Variants in ROBO2 observed in about 807,000 individuals in gnomAD.
ROBO2 encodes the protein roundabout guidance receptor 2.
A neutral mutation model predicts 160.8 loss-of-function variants in ROBO2; 53 were observed. The observed-to-expected ratio is 0.33, with a 90% confidence interval of 0.26 to 0.41. The LOEUF (loss-of-function observed/expected upper bound fraction) is 0.41. Ranked by LOEUF, ROBO2 falls within the 10% of genes least tolerant of loss-of-function variation. The pLI is 1.00. For synonymous variants in ROBO2, 664 were observed against 611.7 expected (o/e 1.09, Z -1.26); for missense variants, 1,577 against 1,722.4 (o/e 0.92, Z 1.49).
intron 2 of ROBO2, among the ~76,000 whole-genome samples, chr3:77,358,889 A>G (rs1242414799): frequency 1.3e-5 from 2 of 152,220 alleles, no homozygotes; most frequent in African/African-American, 2.4e-5. Context: ...AAGGTAAATT[A>G]TTATAGTAGG....
At chr3:76,608,533 C>G (rs1429575642) in intron 2 of ROBO2, among the ~76,000 whole-genome samples, 1 of 152,150 alleles carries the variant, frequency 6.6e-6, no homozygotes, top group Non-Finnish European at 1.5e-5. Flanking sequence ...TGGACAATCA[C>G]TTTGTTGATT....
At chr3:76,996,038 C>T (rs1039696050) in intron 2 of ROBO2, among the ~76,000 whole-genome samples, 5 of 152,112 alleles carry the variant, frequency 3.3e-5, no homozygotes, top group African/African-American at 9.7e-5. Context: ...TGCCTATGTC[C>T]TGAATGGTAT....
intron 2 of ROBO2, among the ~76,000 whole-genome samples, chr3:77,464,800 A>C (rs1222432302): frequency 6.6e-6 from 1 of 152,182 alleles, no homozygotes; most frequent in Non-Finnish European, 1.5e-5. Flanking sequence ...TTATCAACTG[A>C]GAGCAACTTC....
intron 5 of ROBO2, among the ~76,000 whole-genome samples, chr3:77,497,023 G>A (rs1025166322): frequency 3.3e-5 from 5 of 152,056 alleles, no homozygotes; most frequent in African/African-American, 1.2e-4. Flanking sequence ...AGTTTGGTAG[G>A]AAGCATAGCA....
At chr3:76,579,856 C>T (rs2085545516) in intron 2 of ROBO2, among the ~76,000 whole-genome samples, 1 of 151,142 alleles carries the variant, frequency 6.6e-6, no homozygotes, top group Admixed American at 6.6e-5. Context: ...GAAAATACCA[C>T]CTGCCTTAAT....
chr3:75,992,753 G>A (rs1056404152), intron 2 of ROBO2, among the ~76,000 whole-genome samples: 7 of 152,212 alleles, frequency 4.6e-5, no homozygotes, highest in African/African-American at 1.7e-4. Context: ...AATGCAGCCA[G>A]ATGATGGGCT....
chr3:76,397,166 G>A (rs1047001139), intron 2 of ROBO2, among the ~76,000 whole-genome samples: 11 of 152,076 alleles, frequency 7.2e-5, no homozygotes, highest in African/African-American at 1.2e-4. Flanking sequence ...CAGAAGTAAC[G>A]CCCCATATCT....
At chr3:77,182,965 G>A (rs928683709) in intron 2 of ROBO2, among the ~76,000 whole-genome samples, 5 of 151,908 alleles carry the variant, frequency 3.3e-5, no homozygotes, top group Non-Finnish European at 7.4e-5. Flanking sequence ...GGGAATAGAA[G>A]GAATAAACAA....
chr3:76,054,531 G>A (rs534998208), intron 2 of ROBO2, among the ~76,000 whole-genome samples: 1 of 152,248 alleles, frequency 6.6e-6, no homozygotes, highest in East Asian at 1.9e-4. Context: ...TTCCCTCCAA[G>A]TTTACTGCCT....
At chr3:76,478,080 G>A (rs1379468906) in intron 2 of ROBO2, among the ~76,000 whole-genome samples, 1 of 150,258 alleles carries the variant, frequency 6.7e-6, no homozygotes, top group African/African-American at 2.5e-5. Context: ...ACAATGTGCA[G>A]GTTAGTTACA....
intron 2 of ROBO2, among the ~76,000 whole-genome samples, chr3:77,280,492 C>A (rs1470063147): frequency 6.6e-6 from 1 of 152,148 alleles, no homozygotes. Context: ...TTGGCTTACA[C>A]AGAGGATGGG....
intron 2 of ROBO2, among the ~76,000 whole-genome samples, chr3:76,617,046 G>C (rs59754408): frequency 0.38 from 57,677 of 151,904 alleles, 11,189 homozygotes; most frequent in East Asian, 0.47. Context: ...GTGTGGCCCA[G>C]GGCATTGGAT....
At chr3:76,188,875 A>G (rs763502066) in intron 2 of ROBO2, among the ~76,000 whole-genome samples, 1 of 152,096 alleles carries the variant, frequency 6.6e-6, no homozygotes, top group African/African-American at 2.4e-5. Context: ...TGAAATAAAG[A>G]TACAGTGTTG....
intron 2 of ROBO2, among the ~76,000 whole-genome samples, chr3:76,050,176 A>G (rs79311496): frequency 0.021 from 3,122 of 152,284 alleles, 44 homozygotes; most frequent in East Asian, 0.08. Context: ...CTGTCTAATC[A>G]GCTGCCATTG....
chr3:76,884,401 C>A lies in ROBO2; in HGVS notation c.110-213613C>A, dbSNP rs116445935. Among the ~76,000 whole-genome samples, 929 of 152,316 alleles carry A rather than the reference C, an allele frequency of 6.1e-3. 1 individual carries two copies. Among genetic ancestry groups the A allele is most frequent in the Admixed American group, 0.011 (167 of 15,292 alleles). On this transcript the variant is annotated intron_variant, in intron 2 of 26. Transcript: ENST00000487694. ...GATACAGAGATAAATAAGAGACAGTCCCTGTTCTCACAGAACTCACTTTCT... is the reference window on the plus strand; with the variant it reads ...GATACAGAGATAAATAAGAGACAGTACCTGTTCTCACAGAACTCACTTTCT...
chr3:77,131,407 T>A (rs1352371482), intron 2 of ROBO2, among the ~76,000 whole-genome samples: 2 of 152,224 alleles, frequency 1.3e-5, no homozygotes, highest in African/African-American at 4.8e-5. Context: ...TTTACTCATA[T>A]CTAGCATGTT....
chr3:77,110,700 G>T (rs79384908), intron 2 of ROBO2, among the ~76,000 whole-genome samples: 12,158 of 149,296 alleles, frequency 0.081, 518 homozygotes, highest in Middle Eastern at 0.12. Flanking sequence ...TATATATAGA[G>T]AGAGAGAGAG....
intron 2 of ROBO2, among the ~76,000 whole-genome samples, chr3:76,088,392 C>T (rs533564259): frequency 6.6e-6 from 1 of 152,130 alleles, no homozygotes; most frequent in Admixed American, 6.5e-5. Flanking sequence ...GTATAGACTA[C>T]TTTATCTGAC....
chr3:76,418,569 G>A (rs1273388184), intron 2 of ROBO2, among the ~76,000 whole-genome samples: 2 of 152,074 alleles, frequency 1.3e-5, no homozygotes, highest in Non-Finnish European at 2.9e-5. Context: ...TTTGTTCTGT[G>A]TTGGCCCAAT....
Sources: allele counts gnomAD v4.1 joint callset (sites outside exome capture counted in the v4.1 genomes callset), GRCh38; gene constraint gnomAD v4.1.1; transcripts MANE v1.5; gene names NCBI Gene and HGNC (gene_info 2026-07-23, HGNC 2026-07-21).